PSMA1: variants seen among roughly 807,000 people sequenced by gnomAD.
The protein encoded by PSMA1 is proteasome subunit alpha type-1.
PSMA1 carries 3 observed loss-of-function variants against 38.4 expected under a neutral mutation model. That is an observed-to-expected ratio of 0.08 (90% confidence interval 0.04 to 0.20). PSMA1 has a LOEUF of 0.20. PSMA1 is among the 10% of genes least tolerant of loss of function. PSMA1 has a pLI of 1.00. For synonymous variants in PSMA1, 101 were observed against 107.1 expected (o/e 0.94, Z 0.35); for missense variants, 227 against 325.3 (o/e 0.70, Z 2.32).
At chr11:14,623,373 A>G (rs1192175521) in intron 1 of PSMA1, among the ~76,000 whole-genome samples, 2 of 152,242 alleles carry the variant, frequency 1.3e-5, no homozygotes, top group Non-Finnish European at 2.9e-5. Context: ...GCCTTGAAAG[A>G]CAGTGGAGAG....
chr11:14,591,327 G>A (rs1052029945), intron 2 of PSMA1, among the ~76,000 whole-genome samples: 6 of 152,178 alleles, frequency 3.9e-5, no homozygotes, highest in African/African-American at 9.7e-5. Flanking sequence ...CCTGCAGCCC[G>A]CCATGCCTGA....
intron 2 of PSMA1, among the ~76,000 whole-genome samples, chr11:14,547,236 G>C (rs1565041907): frequency 6.6e-6 from 1 of 152,210 alleles, no homozygotes; most frequent in East Asian, 1.9e-4. Context: ...ATATGGTGCA[G>C]CTTGTTAGAG....
rs376049579 is a variant in PSMA1, at chr11:14,569,364, C to T, written c.21+41602G>A. 1.8e-3 allele frequency among the ~76,000 whole-genome samples: 270 copies of T among 152,142 alleles called. 3 individuals carry two copies. Among genetic ancestry groups the T allele is most frequent in the African/African-American group, 6.1e-3 (255 of 41,512 alleles). ...ACCAGGTTCATCCACTGGGGCTTGT[C>T]GGACAGTGAGTGCAGCCCACAGAGC... On this transcript the variant is annotated intron_variant, in intron 2 of 10. Transcript: ENST00000418988.
At chr11:14,640,968 C>T (rs1853191737) in intron 1 of PSMA1, among the ~76,000 whole-genome samples, 1 of 152,014 alleles carries the variant, frequency 6.6e-6, no homozygotes, top group African/African-American at 2.4e-5. Flanking sequence ...GACTTGGGAG[C>T]AGGGTGGTAA....
At chr11:14,510,982 A>T in intron 7 of PSMA1, 31 bp from the exon 8 acceptor site, 1 of 1,389,912 alleles carries the variant, frequency 7.2e-7, no homozygotes, top group Non-Finnish European at 1.0e-6. Context: ...ATTATTTCTT[A>T]ATTTCATTGT....
At chr11:14,563,606 C>T (rs756861066) in intron 2 of PSMA1, among the ~76,000 whole-genome samples, 1 of 151,996 alleles carries the variant, frequency 6.6e-6, no homozygotes, top group South Asian at 2.1e-4. Flanking sequence ...AAGGGTTGGT[C>T]TAAATAACAT....
intron 9 of PSMA1, among the ~76,000 whole-genome samples, chr11:14,505,588 CTTTT>C (rs11414969): frequency 1.3e-5 from 2 of 150,884 alleles, no homozygotes; most frequent in African/African-American, 2.4e-5. Flanking sequence ...TAGGGTGAAG[CTTTT>C]TTTTGTTTGT....
At chr11:14,580,576 TAA>T (rs1720822684) in intron 2 of PSMA1, among the ~76,000 whole-genome samples, 1 of 152,184 alleles carries the variant, frequency 6.6e-6, no homozygotes, top group Non-Finnish European at 1.5e-5. Flanking sequence ...TCTAGAAAGA[TAA>T]AACTGTGTCA....
upstream of PSMA1, chr11:14,520,679 G>C: frequency 2.8e-6 from 1 of 362,568 alleles, no homozygotes; most frequent in Non-Finnish European, 5.2e-6. Context: ...GTCAACAGCC[G>C]TGACTCTGGG....
chr11:14,551,238 T>A lies in PSMA1; in HGVS notation c.22-32197A>T, dbSNP rs189703381. Reference sequence around the variant, plus strand: ...GGTGTTTTGAATCCTAGATTGAAGATCTAATATAATTTGTTTTATATATGC... The same window carrying A: ...GGTGTTTTGAATCCTAGATTGAAGAACTAATATAATTTGTTTTATATATGC... On this transcript the variant is annotated intron_variant, in intron 2 of 10. Coordinates refer to the PSMA1 transcript ENST00000418988. Among the ~76,000 whole-genome samples the A allele has an allele frequency of 3.6e-3, 554 of 152,332 alleles. 2 individuals carry two copies. Among genetic ancestry groups the A allele is most frequent in the Middle Eastern group, 0.027 (8 of 294 alleles).
At chr11:14,609,565 G>A (rs1423697866) in intron 2 of PSMA1, among the ~76,000 whole-genome samples, 1 of 152,190 alleles carries the variant, frequency 6.6e-6, no homozygotes. Flanking sequence ...GAGCCAGGGA[G>A]ACTATTTTGA....
In PSMA1 at chr11:14,577,105, G is replaced by T. The variant is rs561126147; in HGVS notation, c.21+33861C>A. The stretch of plus-strand genomic sequence containing the variant: ...TTGTCTGTTATTGGTGTATAAGAAT[G>T]CTTGTGATTTTGCACATTGCTTTTG... On this transcript the variant is annotated intron_variant, in intron 2 of 10. Transcript: ENST00000418988. Among the ~76,000 whole-genome samples, 193 of 152,270 alleles carry T rather than the reference G, an allele frequency of 1.3e-3. 1 individual carries two copies. The highest frequency in any genetic ancestry group is 4.3e-3 in the African/African-American group (177 of 41,564).
chr11:14,517,538 G>C, intron 4 of PSMA1, 104 bp downstream of exon 4: 1 of 939,894 alleles, frequency 1.1e-6, no homozygotes, highest in South Asian at 2.0e-5. Flanking sequence ...TAATTTACAA[G>C]AACTTTGGCA....
At chr11:14,541,151 T>C (rs1299941831) in intron 2 of PSMA1, among the ~76,000 whole-genome samples, 1 of 152,204 alleles carries the variant, frequency 6.6e-6, no homozygotes, top group Non-Finnish European at 1.5e-5. Flanking sequence ...CTAATTAAAA[T>C]GTTGTATTTT....
At chr11:14,638,638 C>T (rs1272893632) in intron 1 of PSMA1, among the ~76,000 whole-genome samples, 2 of 112,798 alleles carry the variant, frequency 1.8e-5, no homozygotes, top group Non-Finnish European at 3.4e-5. Context: ...CTTGTTGGCT[C>T]CATTTGGAAT....
chr11:14,623,269 G>A (rs1357518544), intron 1 of PSMA1, among the ~76,000 whole-genome samples: 2 of 152,194 alleles, frequency 1.3e-5, no homozygotes, highest in African/African-American at 4.8e-5. Flanking sequence ...GAAGTAGAAG[G>A]AAAGCTTAAG....
chr11:14,547,615 G>A (rs1737140050), intron 2 of PSMA1, among the ~76,000 whole-genome samples: 1 of 152,028 alleles, frequency 6.6e-6, no homozygotes, highest in Admixed American at 6.6e-5. Flanking sequence ...AAGGTCATGG[G>A]GTCAAGGTCC....
At chr11:14,520,594 G>T (rs1851513479), upstream of PSMA1, 4 of 821,406 alleles carry the variant, frequency 4.9e-6, no homozygotes, top group Non-Finnish European at 7.2e-6. Flanking sequence ...CTGTCACGTA[G>T]CCCTTCTAGG....
At chr11:14,546,631 T>C (rs1851830803) in intron 2 of PSMA1, among the ~76,000 whole-genome samples, 1 of 151,930 alleles carries the variant, frequency 6.6e-6, no homozygotes, top group Non-Finnish European at 1.5e-5. Flanking sequence ...AGAGACAGGG[T>C]TTCACCATGT....
Sources: allele counts gnomAD v4.1 joint callset (sites outside exome capture counted in the v4.1 genomes callset), GRCh38; gene constraint gnomAD v4.1.1; transcripts MANE v1.5; gene names NCBI Gene and HGNC (gene_info 2026-07-23, HGNC 2026-07-21).